Variants in ACAA1 observed in about 807,000 individuals in gnomAD.
The protein encoded by ACAA1 is acetyl-CoA acyltransferase 1, also known as 3-ketoacyl-CoA thiolase, peroxisomal.
A neutral mutation model predicts 48.8 loss-of-function variants in ACAA1; 44 were observed. That is an observed-to-expected ratio of 0.90 (90% CI 0.71 to 1.16). The LOEUF is 1.16. Ranked by LOEUF, ACAA1 falls within the 50% of genes most tolerant of loss-of-function variation. ACAA1 has a pLI of 0.00. For synonymous variants in ACAA1, 233 were observed against 226.5 expected (o/e 1.03, Z -0.26); for missense variants, 512 against 562.3 (o/e 0.91, Z 0.90).
chr3:38,127,539 G>C (rs1200884369), intron 7 of ACAA1: 6 of 553,450 alleles, frequency 1.1e-5, no homozygotes, highest in Non-Finnish European at 1.6e-5. Flanking sequence ...GAAAATAACA[G>C]AGGGGGAAAC....
At chr3:38,136,757 G>A in intron 1 of ACAA1, 72 bp from the exon 2 acceptor site, 1 of 1,503,514 alleles carries the variant, frequency 6.7e-7, no homozygotes. Flanking sequence ...AGCGACCACA[G>A]CTGGGTGCGG....
chr3:38,123,067 A>G lies in ACAA1; in HGVS notation c.1255T>C (p.Phe419Leu). 1 of 1,614,150 alleles carries G rather than the reference A, an allele frequency of 6.2e-7. No individual in the cohort carries two copies. Residue 419 changes from phenylalanine to leucine, a missense_variant, in exon 12 of 12, where the codon TTT becomes CTT. Transcript: ENST00000333167. Reference protein sequence around the residue: ...IGTGMGAAAVFEYPGN With the variant: ...IGTGMGAAAVLEYPGN ...CTCACTCAGTTCCCAGGGTATTCAA[A>G]GACGGCAGCGGCTCCCATTCCAGTC...
In ACAA1 at chr3:38,136,658, C is replaced by T. The variant is rs1700902477; in HGVS notation, c.199G>A (p.Ala67Thr). ...KDTTPDELLSAVMTAVLKDVN... is the reference protein window; with the variant it reads ...KDTTPDELLSTVMTAVLKDVN... ...TCCTTGAGAACCGCGGTCATGACTG[C>T]CGAGAGAAGCTCGTCGGGGGTGGTG... Residue 67 changes from alanine (A) to threonine (T), a missense_variant, in exon 2 of 12, where the codon GCA (alanine) becomes ACA (threonine). Physicochemically the swap from Ala to Thr is moderately conservative, Grantham distance 58 (BLOSUM62 0). Coordinates refer to ENST00000333167, the MANE Select transcript of ACAA1 (RefSeq NM_001607.4). 1 of 1,613,608 alleles carries T rather than the reference C, an allele frequency of 6.2e-7. No individual in the cohort carries two copies. The highest frequency in any genetic ancestry group is 8.5e-7 in the Non-Finnish European group (1 of 1,179,760).
At chr3:38,133,914 A>C (rs1412423651) in intron 3 of ACAA1, 38 bp downstream of exon 3, 2 of 1,612,330 alleles carry the variant, frequency 1.2e-6, no homozygotes, top group East Asian at 2.2e-5. Flanking sequence ...GTAAAGTGTC[A>C]AAATGGCCAA....
intron 3 of ACAA1, 94 bp from the exon 4 acceptor site, chr3:38,132,099 G>A (rs1700802432): frequency 1.8e-6 from 2 of 1,124,402 alleles, no homozygotes; most frequent in Non-Finnish European, 2.6e-6. Context: ...CCCCCTCAAG[G>A]GATGTAAAGG....
intron 2 of ACAA1, chr3:38,135,297 GAGAAA>G (rs1376478390): frequency 6.6e-6 from 1 of 152,208 alleles, no homozygotes; most frequent in Non-Finnish European, 1.5e-5. Flanking sequence ...ACGAGAAACT[GAGAAA>G]AGAAATGACA....
intron 7 of ACAA1, 98 bp downstream of exon 7, chr3:38,127,674 AAGCACTCACTGCCC>A: frequency 1.8e-6 from 2 of 1,099,772 alleles, no homozygotes; most frequent in South Asian, 2.6e-5. Flanking sequence ...AAGGCCTGGA[AAGCACTCACTGCCC>A]AGCAGTAACC....
rs371056247 is a variant in ACAA1, at chr3:38,136,689, C to A, written c.172-4G>T. On this transcript the variant is annotated splice_region_variant and splice_polypyrimidine_tract_variant and intron_variant, in intron 1 of 11. Coordinates refer to ENST00000333167, the MANE Select transcript of ACAA1 (RefSeq NM_001607.4). ...GAAGCTCGTCGGGGGTGGTGTCCTG[C>A]AGCAGAAAGAGCAGCCGCAGTGACC... The A allele has an allele frequency of 4.4e-6, 7 of 1,607,346 alleles. No individual in the cohort carries two copies. The highest frequency in any genetic ancestry group is 6.0e-6 in the Non-Finnish European group (7 of 1,176,168).
At position 38,129,264 on chromosome 3, in the gene ACAA1, G is replaced by A. The variant is rs1331000120; in HGVS notation, c.545+26C>T. 7.5e-6 allele frequency: 12 copies of A among 1,599,278 alleles called. No individual in the cohort carries two copies. The highest frequency in any genetic ancestry group is 2.2e-5 in the East Asian group (1 of 44,730). On this transcript the variant is annotated intron_variant, in intron 6 of 11. Coordinates refer to ENST00000333167, the MANE Select transcript of ACAA1 (RefSeq NM_001607.4). The surrounding 1 kb of genome is among the most constrained non-coding windows in gnomAD (Gnocchi z 5.3). ...CCTGCCCCAGGCAGAGAGGGCACAAGCACACAGAGCTATGGGAGCACTCAC... is the reference window on the plus strand; with the variant it reads ...CCTGCCCCAGGCAGAGAGGGCACAAACACACAGAGCTATGGGAGCACTCAC...
chr3:38,128,704 G>C (rs1171026121), intron 6 of ACAA1, among the ~76,000 whole-genome samples: 6 of 152,134 alleles, frequency 3.9e-5, no homozygotes, highest in Non-Finnish European at 5.9e-5. Context: ...CCATTTTCCT[G>C]CCTCAGCCTC....
At chr3:38,132,105 A>G in intron 3 of ACAA1, 100 bp from the exon 4 acceptor site, 1 of 1,092,840 alleles carries the variant, frequency 9.2e-7, no homozygotes, top group Admixed American at 2.0e-5. Context: ...CAAGGGATGT[A>G]AAGGGCAGGG....
Position 38,134,024 on chromosome 3 carries a change from C to G in ACAA1, c.266-15G>C. 1 of 1,611,622 alleles carries G rather than the reference C, an allele frequency of 6.2e-7. No individual in the cohort carries two copies. The highest frequency in any genetic ancestry group is 8.5e-7 in the Non-Finnish European group (1 of 1,178,384). Reference sequence around the variant, plus strand: ...CAGCACATTTCCTGTGGACAACAAACTTTCATTCAGTGCCAGGCGGTGGTG... The same window carrying G: ...CAGCACATTTCCTGTGGACAACAAAGTTTCATTCAGTGCCAGGCGGTGGTG... On this transcript the variant is annotated splice_polypyrimidine_tract_variant and intron_variant, in intron 2 of 11. Transcript: ENST00000333167.
chr3:38,126,179 A>T lies in ACAA1; in HGVS notation c.980T>A (p.Val327Glu), dbSNP rs772624215. 4.3e-6 allele frequency: 7 copies of T among 1,613,534 alleles called. No homozygotes were observed. Among genetic ancestry groups the T allele is most frequent in the Non-Finnish European group, 5.9e-6 (7 of 1,179,790 alleles). ...CACCTTACCTGCTTTTTGCAAAGCT[A>T]CTGGGATGGCATAGGCAGGTCCAAT... is the stretch of plus-strand genomic sequence containing the variant. The part of the protein sequence containing the change: ...MGIGPAYAIP[V>E]ALQKAGLTVS... Residue 327 changes from valine to glutamate, a missense_variant, in exon 9 of 12, where the codon GTA becomes GAA. Coordinates refer to ENST00000333167, the MANE Select transcript of ACAA1 (RefSeq NM_001607.4). This position sits in a 1 kb window ranked among gnomAD's most constrained non-coding sequence, Gnocchi z 4.7.
chr3:38,125,464 C>T (rs1700655653), intron 11 of ACAA1, 101 bp downstream of exon 11: 20 of 1,408,596 alleles, frequency 1.4e-5, no homozygotes, highest in South Asian at 7.3e-5. Flanking sequence ...CTGTGTCTGT[C>T]GAGATTATGA....
intron 11 of ACAA1, chr3:38,124,031 A>C (rs976716404): frequency 6.6e-5 from 10 of 152,048 alleles, no homozygotes; most frequent in Non-Finnish European, 1.3e-4. Context: ...AAAAATGTAC[A>C]TTTTTAAAAG....
chr3:38,124,971 A>G (rs1409634620), intron 11 of ACAA1: 8 of 152,166 alleles, frequency 5.3e-5, no homozygotes, highest in African/African-American at 1.9e-4. Context: ...CTCTGCAAAC[A>G]CCGTCACAGA....
At chr3:38,127,499 C>A (rs1700702672) in intron 7 of ACAA1, 1 of 476,518 alleles carries the variant, frequency 2.1e-6, no homozygotes, top group Non-Finnish European at 3.9e-6. Flanking sequence ...ACACTCCAGG[C>A]TACAATGTCC....
Position 38,126,544 on chromosome 3 carries a change from C to A in ACAA1, c.783G>T (p.Lys261Asn), listed in dbSNP as rs933541715. ...STTMEGLAKL[K>N]PAFKKDGSTT... ...TAGAACCATCTTTCTTGAAGGCAGG[C>A]TTCAGTTTGGCCAGGCCCTCCATGG... Residue 261 changes from lysine to asparagine, a missense_variant, in exon 8 of 12, where the codon AAG becomes AAT. By Grantham distance (94) the Lys-to-Asn change is moderately conservative. Coordinates refer to ENST00000333167, the MANE Select transcript of ACAA1 (RefSeq NM_001607.4). This position sits in a 1 kb window ranked among gnomAD's most constrained non-coding sequence, Gnocchi z 4.7. 6.2e-7 allele frequency: 1 copy of A among 1,614,226 alleles called. No individual in the cohort carries two copies. Among genetic ancestry groups the A allele is most frequent in the Non-Finnish European group, 8.5e-7 (1 of 1,180,038 alleles).
intron 5 of ACAA1, among the ~76,000 whole-genome samples, chr3:38,130,185 T>G (rs2125768129): frequency 6.6e-6 from 1 of 152,344 alleles, no homozygotes; most frequent in South Asian, 2.1e-4. Context: ...TTTGAGGCCA[T>G]GGGGGACCCT....
Sources: allele counts gnomAD v4.1 joint callset (sites outside exome capture counted in the v4.1 genomes callset), GRCh38; gene constraint gnomAD v4.1.1; non-coding constraint Gnocchi (gnomAD v3.1); transcripts MANE v1.5; gene names NCBI Gene and HGNC (gene_info 2026-07-23, HGNC 2026-07-21).